Variants in CTNNA2 observed in about 807,000 individuals in gnomAD.
The protein encoded by CTNNA2 is catenin alpha-2.
A neutral mutation model predicts 101.0 loss-of-function variants in CTNNA2; 42 were observed. The ratio of observed to expected loss-of-function variants is 0.42; its 90% CI spans 0.32 to 0.54. CTNNA2 has a LOEUF of 0.54. CTNNA2 is among the 20% of genes least tolerant of loss of function. The pLI, the probability that CTNNA2 is intolerant of heterozygous loss-of-function variation, is 0.14. For missense variants in CTNNA2, 871 were observed against 1,223.1 expected (o/e 0.71, Z 4.29); for synonymous variants, 450 against 456.4 (o/e 0.99, Z 0.18).
intron 1 of CTNNA2, among the ~76,000 whole-genome samples, chr2:79,613,106 C>A (rs1678389343): frequency 4.0e-5 from 6 of 150,288 alleles, no homozygotes; most frequent in Admixed American, 4.0e-4. Context: ...CTTGGCCACC[C>A]AATTTTGCGG....
intron 2 of CTNNA2, among the ~76,000 whole-genome samples, chr2:79,211,745 C>CA (rs561201242): frequency 8.0e-4 from 121 of 152,200 alleles, no homozygotes; most frequent in African/African-American, 2.8e-3. Context: ...AGCTTGGGCT[C>CA]AGAGGCATGA....
At chr2:79,699,420 A>T (rs1316049571) in intron 2 of CTNNA2, among the ~76,000 whole-genome samples, 21 of 152,032 alleles carry the variant, frequency 1.4e-4, no homozygotes, top group Admixed American at 1.4e-3. Context: ...GTTGGTTCTT[A>T]GTACAGTGTA....
At chr2:79,224,938 G>T (rs1241069107) in intron 2 of CTNNA2, among the ~76,000 whole-genome samples, 1 of 151,670 alleles carries the variant, frequency 6.6e-6, no homozygotes, top group Admixed American at 6.6e-5. Context: ...CATCCATGTG[G>T]TTGTGTATTT....
At chr2:80,380,921 T>C (rs1676456566) in intron 7 of CTNNA2, among the ~76,000 whole-genome samples, 1 of 152,168 alleles carries the variant, frequency 6.6e-6, no homozygotes, top group South Asian at 2.1e-4. Flanking sequence ...TTTGGGACGA[T>C]GTGAGACATG....
intron 7 of CTNNA2, among the ~76,000 whole-genome samples, chr2:80,387,592 T>TA (rs1172074985): frequency 6.6e-6 from 1 of 152,146 alleles, no homozygotes; most frequent in Non-Finnish European, 1.5e-5. Context: ...AGATTAATTG[T>TA]AAAAAGAGAA....
chr2:79,192,637 A>G (rs1673889308), intron 1 of CTNNA2, among the ~76,000 whole-genome samples: 1 of 152,210 alleles, frequency 6.6e-6, no homozygotes, highest in Non-Finnish European at 1.5e-5. Context: ...GCTGATATAC[A>G]TAATCAAATG....
chr2:79,319,176 T>C (rs1034768731), intron 3 of CTNNA2, among the ~76,000 whole-genome samples: 1 of 152,150 alleles, frequency 6.6e-6, no homozygotes, highest in East Asian at 1.9e-4. Flanking sequence ...TCAAAACCCA[T>C]TATACACTGG....
intron 7 of CTNNA2, among the ~76,000 whole-genome samples, chr2:80,131,320 A>G (rs1448563702): frequency 1.3e-5 from 2 of 152,120 alleles, no homozygotes; most frequent in Non-Finnish European, 2.9e-5. Context: ...TGGCCTCCCA[A>G]AGTGCTGGGA....
At chr2:79,205,138 T>C (rs1439276239) in intron 2 of CTNNA2, among the ~76,000 whole-genome samples, 2 of 152,212 alleles carry the variant, frequency 1.3e-5, no homozygotes, top group Non-Finnish European at 2.9e-5. Context: ...ATGGCTTCTT[T>C]GTGGCTCTTT....
At chr2:80,086,065 G>A (rs1467287627) in intron 7 of CTNNA2, among the ~76,000 whole-genome samples, 1 of 152,012 alleles carries the variant, frequency 6.6e-6, no homozygotes, top group African/African-American at 2.4e-5. Context: ...CCTCCTCAGA[G>A]CCATCATGTT....
chr2:79,503,210 A>G (rs951840005), intron 4 of CTNNA2, among the ~76,000 whole-genome samples: 1 of 152,166 alleles, frequency 6.6e-6, no homozygotes, highest in African/African-American at 2.4e-5. Context: ...CACAAAGAAC[A>G]GGGCTCATAG....
chr2:79,851,737 C>CTTTTTTTTTTTTTTT (rs11399192), intron 3 of CTNNA2, among the ~76,000 whole-genome samples: 7 of 87,126 alleles, frequency 8.0e-5, no homozygotes, highest in Non-Finnish European at 1.2e-4. Flanking sequence ...TTTTCTTTTC[C>CTTTTTTTTTTTTTTT]TTTTTTTTTT....
At chr2:80,306,127 C>CA (rs1676919449) in intron 7 of CTNNA2, among the ~76,000 whole-genome samples, 1 of 152,098 alleles carries the variant, frequency 6.6e-6, no homozygotes. Context: ...TGAACAGGGG[C>CA]ATGAATCATT....
chr2:79,894,364 T>C (rs1200957074), intron 6 of CTNNA2, among the ~76,000 whole-genome samples: 1 of 146,060 alleles, frequency 6.8e-6, no homozygotes, highest in Non-Finnish European at 1.5e-5. Flanking sequence ...CTGTATTCCA[T>C]CATCTTGGTA....
At position 79,600,578 on chromosome 2, in the gene CTNNA2, G is replaced by C. The variant is rs376174746; in HGVS notation, c.-5-50974G>C. ...ATGGAATTATAAATGTATAAATTATGTTCCACCTCACTATTGAACACGTAG... is the reference window on the plus strand; with the variant it reads ...ATGGAATTATAAATGTATAAATTATCTTCCACCTCACTATTGAACACGTAG... On this transcript the variant is annotated intron_variant, in intron 1 of 18. Coordinates refer to ENST00000402739, the MANE Select transcript of CTNNA2 (RefSeq NM_001282597.3). Among the ~76,000 whole-genome samples, 67 of 152,242 alleles carry C rather than the reference G, an allele frequency of 4.4e-4. 2 individuals carry two copies. The South Asian group carries it at 0.013, about 30-fold the overall frequency.
intron 8 of CTNNA2, among the ~76,000 whole-genome samples, chr2:80,412,424 C>T (rs1679666356): frequency 6.6e-6 from 1 of 152,104 alleles, no homozygotes; most frequent in African/African-American, 2.4e-5. Context: ...TACACACAGC[C>T]CATGGCTATA....
At position 80,303,747 on chromosome 2, in the gene CTNNA2, G is replaced by A. The variant is rs1676615802; in HGVS notation, c.1057-89464G>A. 6.3e-7 allele frequency: 1 copy of A among 1,594,272 alleles called. No individual in the cohort carries two copies. Among genetic ancestry groups the A allele is most frequent in the Non-Finnish European group, 8.5e-7 (1 of 1,170,816 alleles). On this transcript the variant is annotated intron_variant, in intron 7 of 18. Coordinates refer to ENST00000402739, the MANE Select transcript of CTNNA2 (RefSeq NM_001282597.3). This position sits in a 1 kb window ranked among gnomAD's most constrained non-coding sequence, Gnocchi z 7.7. ...GGCAGCATCTGAAAGCAGGCCCCCA[G>A]CAGACACAAGACCACCCCCGAGGGC... is the stretch of plus-strand genomic sequence containing the variant.
intron 9 of CTNNA2, among the ~76,000 whole-genome samples, chr2:80,461,107 CT>C (rs1285492210): frequency 6.6e-6 from 1 of 152,162 alleles, no homozygotes; most frequent in Non-Finnish European, 1.5e-5. Flanking sequence ...CTTTACCTAA[CT>C]TTAGCCAGGC....
chr2:80,630,637 AAAAT>A (rs1389305862), intron 18 of CTNNA2, among the ~76,000 whole-genome samples: 4 of 152,324 alleles, frequency 2.6e-5, no homozygotes, highest in African/African-American at 7.2e-5. Flanking sequence ...CTCCGTCTCA[AAAAT>A]AAATAAATAA....
Sources: allele counts gnomAD v4.1 joint callset (sites outside exome capture counted in the v4.1 genomes callset), GRCh38; gene constraint gnomAD v4.1.1; non-coding constraint Gnocchi (gnomAD v3.1); transcripts MANE v1.5; gene names NCBI Gene and HGNC (gene_info 2026-07-23, HGNC 2026-07-21).